Variants in NALCN observed in about 807,000 individuals in gnomAD.
NALCN encodes sodium leak channel NALCN.
A neutral mutation model predicts 225.3 loss-of-function variants in NALCN; 111 were observed. The observed-to-expected ratio is 0.49, with a 90% CI of 0.42 to 0.58. The LOEUF is 0.58. Among genes scored for constraint, NALCN ranks in the 20% least tolerant of loss-of-function variants. The pLI, the probability that NALCN is intolerant of heterozygous loss-of-function variation, is 0.00. For synonymous variants in NALCN, 764 were observed against 769.0 expected (o/e 0.99, Z 0.11); for missense variants, 1,378 against 2,202.4 (o/e 0.63, Z 7.49).
At chr13:101,334,484 T>TGGAGAGAGGCAATCCAGGAAGAATG (rs1566587752) in intron 7 of NALCN, among the ~76,000 whole-genome samples, 1 of 152,160 alleles carries the variant, frequency 6.6e-6, no homozygotes, top group African/African-American at 2.4e-5. Context: ...AAGAAGAGAA[T>TGGAGAGAGGCAATCCAGGAAGAATG]GGACTGCCAG....
chr13:101,403,594 A>G (rs2047537316), intron 1 of NALCN, among the ~76,000 whole-genome samples: 1 of 152,236 alleles, frequency 6.6e-6, no homozygotes, highest in African/African-American at 2.4e-5. Flanking sequence ...TATAAAATGA[A>G]AGCATCTATT....
At chr13:101,400,584 CGTGTGT>C (rs2047446365) in intron 1 of NALCN, among the ~76,000 whole-genome samples, 1 of 110,424 alleles carries the variant, frequency 9.1e-6, no homozygotes, top group African/African-American at 5.2e-5. Flanking sequence ...TGTGTGTGCA[CGTGTGT>C]GCGCGCGCAC....
At chr13:101,106,445 A>C (rs950989073) in intron 22 of NALCN, among the ~76,000 whole-genome samples, 1 of 152,202 alleles carries the variant, frequency 6.6e-6, no homozygotes, top group African/African-American at 2.4e-5. Flanking sequence ...CCAACTACAT[A>C]ATGGGAACAT....
At chr13:101,351,941 C>T (rs2045918893) in intron 6 of NALCN, among the ~76,000 whole-genome samples, 1 of 152,164 alleles carries the variant, frequency 6.6e-6, no homozygotes, top group African/African-American at 2.4e-5. Flanking sequence ...TCTGGCACTG[C>T]ACTTAGTGTT....
intron 10 of NALCN, among the ~76,000 whole-genome samples, chr13:101,268,589 A>G (rs2042673692): frequency 6.6e-6 from 1 of 152,154 alleles, no homozygotes; most frequent in African/African-American, 2.4e-5. Context: ...TATCAATCAT[A>G]ATGCCATGGC....
At position 101,399,177 on chromosome 13, in the gene NALCN, A is replaced by G; in HGVS notation, c.-39-12T>C. ...CACAAAACCACAGTCTGGGAAAAGGAAAAGTTGTATTTGTCATCTAAACCA... is the reference window on the plus strand; with the variant it reads ...CACAAAACCACAGTCTGGGAAAAGGGAAAGTTGTATTTGTCATCTAAACCA... On this transcript the variant is annotated splice_polypyrimidine_tract_variant and intron_variant, in intron 1 of 43. Coordinates refer to ENST00000251127, the MANE Select transcript of NALCN (RefSeq NM_052867.4). 1 of 1,605,368 alleles carries G rather than the reference A, an allele frequency of 6.2e-7. No homozygotes were observed.
At chr13:101,185,456 C>G (rs1223606562) in intron 14 of NALCN, among the ~76,000 whole-genome samples, 1 of 152,112 alleles carries the variant, frequency 6.6e-6, no homozygotes, top group Non-Finnish European at 1.5e-5. Context: ...GACAGAAAAA[C>G]ATTGCAGGAA....
intron 7 of NALCN, among the ~76,000 whole-genome samples, chr13:101,325,753 G>T (rs1413977727): frequency 6.6e-6 from 1 of 152,170 alleles, no homozygotes; most frequent in Non-Finnish European, 1.5e-5. Context: ...CATGGTGTGT[G>T]TGGCTAGGAG....
chr13:101,390,123 T>A (rs1025398825), intron 3 of NALCN, among the ~76,000 whole-genome samples: 1 of 151,828 alleles, frequency 6.6e-6, no homozygotes, highest in South Asian at 2.1e-4. Flanking sequence ...CATAAACGTA[T>A]AAACAGAAAA....
intron 18 of NALCN, 104 bp downstream of exon 18, chr13:101,124,504 T>A: frequency 1.0e-6 from 1 of 960,840 alleles, no homozygotes; most frequent in South Asian, 1.5e-5. Context: ...TGGCAGAAAG[T>A]ATATGCTGAT....
intron 6 of NALCN, among the ~76,000 whole-genome samples, chr13:101,346,057 T>TTCTCTCTCTCTCTCTCTC (rs767899309): frequency 1.4e-3 from 104 of 75,492 alleles, no homozygotes; most frequent in South Asian, 4.0e-3. Flanking sequence ...TTGAGAGACT[T>TTCTCTCTCTCTCTCTCTC]TCTCTCTCTC....
chr13:101,127,168 G>C (rs762597486), intron 17 of NALCN, among the ~76,000 whole-genome samples: 1 of 152,196 alleles, frequency 6.6e-6, no homozygotes, highest in Non-Finnish European at 1.5e-5. Flanking sequence ...TTGCCTAAAT[G>C]ATTTCTGCCC....
At chr13:101,231,806 T>C (rs2041358403) in intron 12 of NALCN, among the ~76,000 whole-genome samples, 1 of 152,170 alleles carries the variant, frequency 6.6e-6, no homozygotes, top group Non-Finnish European at 1.5e-5. Flanking sequence ...TCTTTTTGGC[T>C]TTCCAGTGCC....
At chr13:101,204,495 CTT>C (rs1234592167) in intron 13 of NALCN, among the ~76,000 whole-genome samples, 1 of 152,102 alleles carries the variant, frequency 6.6e-6, no homozygotes, top group Non-Finnish European at 1.5e-5. Context: ...TGAATCTAGA[CTT>C]TTGTAATTGG....
chr13:101,384,244 A>C (rs2046924982), intron 3 of NALCN, among the ~76,000 whole-genome samples: 1 of 152,126 alleles, frequency 6.6e-6, no homozygotes, highest in Non-Finnish European at 1.5e-5. Flanking sequence ...AATATGAAAA[A>C]ATGTTTTAAT....
intron 39 of NALCN, 25 bp downstream of exon 39, chr13:101,067,893 A>G (rs781317948): frequency 3.1e-5 from 46 of 1,502,602 alleles, no homozygotes; most frequent in Non-Finnish European, 3.9e-5. Context: ...GAGGTGAGGC[A>G]TGAAACAACA....
At chr13:101,229,353 G>T in intron 13 of NALCN, 40 bp downstream of exon 13, 2 of 1,449,396 alleles carry the variant, frequency 1.4e-6, no homozygotes, top group South Asian at 1.5e-5. Context: ...ACTAAAATAA[G>T]AACAATGAAT....
At chr13:101,204,042 A>C (rs1024022053) in intron 13 of NALCN, among the ~76,000 whole-genome samples, 2 of 152,214 alleles carry the variant, frequency 1.3e-5, no homozygotes, top group African/African-American at 4.8e-5. Flanking sequence ...ATGGAACACT[A>C]ACTGAATTTT....
chr13:101,181,738 G>A (rs1354984459), intron 14 of NALCN, among the ~76,000 whole-genome samples: 2 of 151,880 alleles, frequency 1.3e-5, no homozygotes, highest in African/African-American at 4.8e-5. Context: ...GCAAGTCCCT[G>A]TCTCCAAAAA....
Sources: allele counts gnomAD v4.1 joint callset (sites outside exome capture counted in the v4.1 genomes callset), GRCh38; gene constraint gnomAD v4.1.1; transcripts MANE v1.5; gene names NCBI Gene and HGNC (gene_info 2026-07-23, HGNC 2026-07-21).